ZNF182: variants seen among roughly 807,000 people sequenced by gnomAD.
ZNF182 encodes zinc finger protein 21 (KOX 14).
Under a neutral mutation model 28.1 loss-of-function variants are expected in ZNF182, and 10 were observed. The ratio of observed to expected loss-of-function variants is 0.36; its 90% confidence interval spans 0.22 to 0.60. ZNF182 has a LOEUF of 0.60. Among genes scored for constraint, ZNF182 ranks in the 20% least tolerant of loss-of-function variants. The pLI is 0.75. For synonymous variants in ZNF182, 156 were observed against 158.7 expected (o/e 0.98, Z 0.13); for missense variants, 352 against 453.2 (o/e 0.78, Z 2.03).
chrX:47,995,664 A>G (rs1482199626), intron 3 of ZNF182, among the ~76,000 whole-genome samples: 5 of 112,248 alleles, frequency 4.5e-5, no homozygotes, highest in Non-Finnish European at 9.4e-5. Flanking sequence ...ACAAAAATCT[A>G]TATGTTCAAG....
At chrX:48,001,992 T>C (rs2058979834) in intron 3 of ZNF182, among the ~76,000 whole-genome samples, 1 of 111,692 alleles carries the variant, frequency 9.0e-6, no homozygotes, top group Admixed American at 9.5e-5. Context: ...AATAAAAATG[T>C]TTAAAGTGAA....
intron 3 of ZNF182, among the ~76,000 whole-genome samples, chrX:47,984,791 TAAAA>T (rs1304066714): frequency 9.0e-6 from 1 of 111,265 alleles, no homozygotes; most frequent in African/African-American, 3.3e-5. Context: ...TGAGAATATA[TAAAA>T]AAAACTTTCA....
chrX:47,999,559 A>C, intron 3 of ZNF182, among the ~76,000 whole-genome samples: 2 of 102,330 alleles, frequency 2.0e-5, no homozygotes, highest in Admixed American at 1.1e-4. Context: ...GAGGCAGGGA[A>C]GGGTTGCGGG....
intron 3 of ZNF182, 87 bp from the exon 4 acceptor site, chrX:47,983,498 G>T (rs1391293897): frequency 3.9e-6 from 4 of 1,013,735 alleles, no homozygotes; most frequent in Non-Finnish European, 4.0e-6. Flanking sequence ...TGGGTTCCTG[G>T]TTCATCATGA....
chrX:47,981,270 G>C (rs2058904634), intron 5 of ZNF182, among the ~76,000 whole-genome samples: 1 of 111,772 alleles, frequency 8.9e-6, no homozygotes, highest in African/African-American at 3.3e-5. Flanking sequence ...TACAAAAGGA[G>C]CCTGGGACAT....
At chrX:47,978,467 AC>A (rs1342383605) in intron 5 of ZNF182, among the ~76,000 whole-genome samples, 1 of 112,423 alleles carries the variant, frequency 8.9e-6, no homozygotes, top group East Asian at 2.8e-4. Flanking sequence ...ACAATAGTTA[AC>A]ACTGAATCCA....
intron 5 of ZNF182, among the ~76,000 whole-genome samples, chrX:47,980,350 TTAGA>T (rs58503885): frequency 0.49 from 53,598 of 109,254 alleles, 9,803 homozygotes; most frequent in East Asian, 0.87. Flanking sequence ...AAAGATATAG[TTAGA>T]TAGGAGGAAT....
Position 47,982,880 on chromosome X carries a change from G to T in ZNF182, c.232+69C>A, listed in dbSNP as rs968628717. ...TAAGATATTCCTGAAAGCCCTGTCA[G>T]AGGGCCTCACCTCTGACTAATAGGG... On this transcript the variant is annotated intron_variant, in intron 5 of 5. Coordinates refer to ENST00000376943, the MANE Select transcript of ZNF182 (RefSeq NM_001007088.2). 2.7e-5 allele frequency: 28 copies of T among 1,029,242 alleles called. No individual in the cohort carries two copies. The African/African-American group carries it at 5.3e-4, about 19-fold the overall frequency. The allele number at this position is 1,029,242 out of a possible 1,213,427, so 84.8% of individuals were successfully genotyped here.
At chrX:47,991,702 G>A (rs1215521359) in intron 3 of ZNF182, among the ~76,000 whole-genome samples, 1 of 111,568 alleles carries the variant, frequency 9.0e-6, no homozygotes, top group East Asian at 2.8e-4. Flanking sequence ...AGAGGACTCT[G>A]AAAGGAGGAA....
Position 47,976,113 on chromosome X carries a change from A to G in ZNF182, c.*54T>C. 9.6e-7 allele frequency: 1 copy of G among 1,041,954 alleles called. No individual in the cohort carries two copies. Among genetic ancestry groups the G allele is most frequent in the Non-Finnish European group, 1.3e-6 (1 of 794,040 alleles). 85.9% of individuals were successfully genotyped at this position (1,041,954 alleles called of 1,213,427 possible). ...CAAAATATACTTTTAAAATGTGAGT[A>G]AAATTGACACAACTTTCTTTCAGTG... On this transcript the variant is annotated 3_prime_UTR_variant, in exon 6 of 6. Coordinates refer to ENST00000376943, the MANE Select transcript of ZNF182 (RefSeq NM_001007088.2).
intron 3 of ZNF182, among the ~76,000 whole-genome samples, chrX:47,990,100 G>A (rs1350295188): frequency 9.1e-6 from 1 of 109,517 alleles, no homozygotes; most frequent in Non-Finnish European, 1.9e-5. Context: ...CAAATTCTCA[G>A]GCATTAAAAA....
At chrX:47,982,302 G>C (rs2058908647) in intron 5 of ZNF182, among the ~76,000 whole-genome samples, 1 of 111,736 alleles carries the variant, frequency 8.9e-6, no homozygotes, top group Non-Finnish European at 1.9e-5. Flanking sequence ...GTGGTTGCCA[G>C]GGAGTGAGGG....
At chrX:47,983,444 C>T (rs1556899400) in intron 3 of ZNF182, 33 bp from the exon 4 acceptor site, 2 of 1,172,101 alleles carry the variant, frequency 1.7e-6, no homozygotes, top group Non-Finnish European at 2.3e-6. Flanking sequence ...TTTTAAAATG[C>T]TGACCACTAG....
intron 3 of ZNF182, among the ~76,000 whole-genome samples, chrX:47,997,649 G>A (rs1342609719): frequency 9.0e-6 from 1 of 110,855 alleles, no homozygotes; most frequent in Non-Finnish European, 1.9e-5. Flanking sequence ...AAAATTAGCT[G>A]GGCGTGGTGG....
At chrX:47,984,388 C>G (rs2058916903) in intron 3 of ZNF182, among the ~76,000 whole-genome samples, 1 of 111,502 alleles carries the variant, frequency 9.0e-6, no homozygotes, top group Non-Finnish European at 1.9e-5. Context: ...TTTGCATATA[C>G]CATGACCCAG....
chrX:47,985,561 G>A (rs1556899700), intron 3 of ZNF182, among the ~76,000 whole-genome samples: 1 of 111,108 alleles, frequency 9.0e-6, no homozygotes, highest in African/African-American at 3.3e-5. Context: ...ACTCCCTTTG[G>A]TTGGTTCTAC....
In ZNF182 at chrX:47,993,748, CTGAA is replaced by C. The variant is rs782221671; in HGVS notation, c.15+8843_15+8846del. ...AATACAACAAGCAAATAAAAACTCACTGAATGAGATCAATAGTTTAGTGGTGATG... is the reference window on the plus strand; with the variant it reads ...AATACAACAAGCAAATAAAAACTCACTGAGATCAATAGTTTAGTGGTGATG... On this transcript the variant is annotated intron_variant, in intron 3 of 5. Coordinates refer to ENST00000376943, the MANE Select transcript of ZNF182 (RefSeq NM_001007088.2). 1.9e-4 allele frequency among the ~76,000 whole-genome samples: 21 copies of C among 111,349 alleles called. No individual in the cohort carries two copies. In the East Asian group the frequency reaches 5.3e-3, roughly 28 times the overall value.
intron 3 of ZNF182, among the ~76,000 whole-genome samples, chrX:47,999,678 T>G (rs2058972035): frequency 8.9e-6 from 1 of 111,932 alleles, no homozygotes. Context: ...AACAATTTAG[T>G]GCATATTTTC....
chrX:48,002,629 A>G lies in ZNF182; in HGVS notation c.-20T>C. 8.3e-7 allele frequency: 1 copy of G among 1,210,294 alleles called. No individual in the cohort carries two copies. The highest frequency in any genetic ancestry group is 1.1e-6 in the Non-Finnish European group (1 of 894,714). The stretch of plus-strand genomic sequence containing the variant: ...GGCCATTTCCTGCTCTTCTTGGGAA[A>G]AAGCAGAGATGTGTGACGGCCGAGC... On this transcript the variant is annotated 5_prime_UTR_variant, in exon 3 of 6. Transcript: ENST00000376943.
Sources: allele counts gnomAD v4.1 joint callset (sites outside exome capture counted in the v4.1 genomes callset), GRCh38; gene constraint gnomAD v4.1.1; transcripts MANE v1.5; gene names NCBI Gene and HGNC (gene_info 2026-07-23, HGNC 2026-07-21).